The following ADAMTS7 variants were observed in gnomAD, a reference collection of about 807,000 sequenced individuals.
ADAMTS7 encodes the protein ADAM metallopeptidase with thrombospondin type 1 motif 7.
A neutral mutation model predicts 172.6 loss-of-function variants in ADAMTS7; 89 were observed. That is an observed-to-expected ratio of 0.52 (90% CI 0.43 to 0.61). The LOEUF (loss-of-function observed/expected upper bound fraction) is 0.61. ADAMTS7 is among the 20% of genes least tolerant of loss of function. The pLI is 0.00. For missense variants in ADAMTS7, 1,973 were observed against 2,355.6 expected (o/e 0.84, Z 3.36); for synonymous variants, 885 against 978.4 (o/e 0.90, Z 1.78).
chr15:78,784,009 A>G (rs1356949022), intron 8 of ADAMTS7, among the ~76,000 whole-genome samples: 1 of 152,064 alleles, frequency 6.6e-6, no homozygotes, highest in Admixed American at 6.5e-5. Flanking sequence ...TAAAAGTAGA[A>G]TGAAAAAAAT....
rs181029246 is a variant in ADAMTS7 at position 78,801,929 on chromosome 15, G to A, written c.101-1382C>T. 4.6e-5 allele frequency among the ~76,000 whole-genome samples: 7 copies of A among 152,140 alleles called. No homozygotes were observed. In the East Asian group the frequency reaches 1.4e-3, roughly 29 times the overall value. ...GTCTCAAACAAACTCCTGGGCTCAAGTGATCCTTCTACCTCAGCCTCCCAT... is the reference window on the plus strand; with the variant it reads ...GTCTCAAACAAACTCCTGGGCTCAAATGATCCTTCTACCTCAGCCTCCCAT... On this transcript the variant is annotated intron_variant, in intron 1 of 23. Coordinates refer to ENST00000388820, the MANE Select transcript of ADAMTS7 (RefSeq NM_014272.5).
In ADAMTS7 at chr15:78,802,404, T is replaced by C. The variant is rs115675259; in HGVS notation, c.101-1857A>G. On this transcript the variant is annotated intron_variant, in intron 1 of 23. Transcript: ENST00000388820. ...CTCAGATGCGTGAGCATTCTGCAAG[T>C]GTCTCCAGGCCTCCTGGATTGGGGA... 8.9e-4 allele frequency among the ~76,000 whole-genome samples: 136 copies of C among 152,358 alleles called. 1 individual carries two copies. Among genetic ancestry groups the C allele is most frequent in the African/African-American group, 3.2e-3 (133 of 41,582 alleles).
chr15:78,795,050 T>C (rs2055625758), intron 4 of ADAMTS7, among the ~76,000 whole-genome samples: 1 of 152,190 alleles, frequency 6.6e-6, no homozygotes, highest in African/African-American at 2.4e-5. Context: ...ATCTGGAGCA[T>C]AGGGGACACT....
chr15:78,767,103 G>T (rs749935900), intron 18 of ADAMTS7, 52 bp from the exon 19 acceptor site: 205 of 1,505,014 alleles, frequency 1.4e-4, no homozygotes, highest in Non-Finnish European at 1.7e-4. Flanking sequence ...GGCTGCCAGG[G>T]GACGCTGGGG....
chr15:78,776,643 T>G (rs2055350020), intron 10 of ADAMTS7, 106 bp downstream of exon 10: 1 of 1,199,182 alleles, frequency 8.3e-7, no homozygotes, highest in African/African-American at 1.5e-5. Flanking sequence ...GGGGCTCTGC[T>G]AGGAGCACAA....
rs1363996206 is a variant in ADAMTS7, at chr15:78,771,829, C to T, written c.2132G>A (p.Gly711Glu). ...SGTFEEAEGL[G>E]YVDVGLIPAG... ...TGGGATCAGCCCCACATCCACATAC[C>T]CTGTCAGCCAAGGGTTGTGCATAGG... Residue 711 changes from glycine to glutamate, a missense_variant and splice_region_variant, in exon 15 of 24, where the codon GGG becomes GAG. Physicochemically the swap from Gly to Glu is moderately conservative, Grantham distance 98. Transcript: ENST00000388820. This position sits in a 1 kb window ranked among gnomAD's most constrained non-coding sequence, Gnocchi z 4.9. The T allele has an allele frequency of 6.2e-7, 1 of 1,609,774 alleles. No homozygotes were observed. The highest frequency in any genetic ancestry group is 1.3e-5 in the African/African-American group (1 of 74,900).
intron 4 of ADAMTS7, among the ~76,000 whole-genome samples, chr15:78,792,853 G>T (rs535395411): frequency 1.3e-5 from 2 of 152,160 alleles, no homozygotes; most frequent in Non-Finnish European, 1.5e-5. Context: ...GAGAGAGAGA[G>T]AAAGAAGAAA....
In ADAMTS7 at chr15:78,789,707, G is replaced by T; in HGVS notation, c.1160C>A (p.Ala387Asp). 1 of 1,613,850 alleles carries T rather than the reference G, an allele frequency of 6.2e-7. No homozygotes were observed. Among genetic ancestry groups the T allele is most frequent in the Non-Finnish European group, 8.5e-7 (1 of 1,179,992 alleles). The change falls in exon 7 of 24, where the codon GCC (alanine) becomes GAC (aspartate). Residue 387 changes from alanine (A) to aspartate (D), a missense_variant. Physicochemically the swap from Ala to Asp is moderately radical, Grantham distance 126. This residue lies in a region of ADAMTS7 where 526 missense variants were observed against 662.9 expected (regional missense o/e 0.79). Coordinates refer to ENST00000388820, the MANE Select transcript of ADAMTS7 (RefSeq NM_014272.5). ...ACAGTACCTGTGCCCGAGCTCGTGGGCTACAGTGAAGGCCAGCGGCAGGCC... is the reference window on the plus strand; with the variant it reads ...ACAGTACCTGTGCCCGAGCTCGTGGTCTACAGTGAAGGCCAGCGGCAGGCC... ...DTGLPLAFTVAHELGHSFGIQ... is the reference protein window; with the variant it reads ...DTGLPLAFTVDHELGHSFGIQ...
At chr15:78,785,546 C>CAAAAAAAA (rs58203887) in intron 8 of ADAMTS7, among the ~76,000 whole-genome samples, 1 of 124,658 alleles carries the variant, frequency 8.0e-6, no homozygotes. Context: ...GAGAGTCTCT[C>CAAAAAAAA]AAAAAAAAAA....
rs571893357 is a variant in ADAMTS7 at position 78,796,796 on chromosome 15, C to G, written c.623-10G>C. 33 of 1,602,428 alleles carry G rather than the reference C, an allele frequency of 2.1e-5. No individual in the cohort carries two copies. Among genetic ancestry groups the G allele is most frequent in the Middle Eastern group, 1.8e-4 (1 of 5,632 alleles). On this transcript the variant is annotated splice_polypyrimidine_tract_variant and intron_variant, in intron 3 of 23. Coordinates refer to ENST00000388820, the MANE Select transcript of ADAMTS7 (RefSeq NM_014272.5). Reference sequence around the variant, plus strand: ...TCCAGCTCTGGGTACACTGGAGGCCCAGATGGGGTGGAGTTAGCTGCCAGT... The same window carrying G: ...TCCAGCTCTGGGTACACTGGAGGCCGAGATGGGGTGGAGTTAGCTGCCAGT...
At chr15:78,802,423 T>C (rs1008518787) in intron 1 of ADAMTS7, among the ~76,000 whole-genome samples, 9 of 152,228 alleles carry the variant, frequency 5.9e-5, no homozygotes, top group Non-Finnish European at 8.8e-5. Context: ...GCCTCCTGGA[T>C]TGGGGAGACA....
intron 7 of ADAMTS7, 115 bp from the exon 8 acceptor site, chr15:78,788,489 C>T: frequency 7.9e-7 from 1 of 1,259,912 alleles, no homozygotes; most frequent in Non-Finnish European, 1.1e-6. Context: ...GTTCTGCCAC[C>T]CAATGGCTGC....
intron 11 of ADAMTS7, among the ~76,000 whole-genome samples, chr15:78,775,558 C>T (rs2055329644): frequency 6.7e-6 from 1 of 148,422 alleles, no homozygotes; most frequent in Non-Finnish European, 1.5e-5. Flanking sequence ...TGCACCCCCA[C>T]CCCCCCGTTT....
chr15:78,803,247 C>G (rs1386633147), intron 1 of ADAMTS7, among the ~76,000 whole-genome samples: 1 of 151,806 alleles, frequency 6.6e-6, no homozygotes, highest in Non-Finnish European at 1.5e-5. Context: ...ATAGTCCCAG[C>G]TACTTGGAAT....
At chr15:78,770,206 G>C (rs1318506194) in intron 16 of ADAMTS7, among the ~76,000 whole-genome samples, 1 of 127,702 alleles carries the variant, frequency 7.8e-6, no homozygotes, top group African/African-American at 2.6e-5. Flanking sequence ...AAATAAAATA[G>C]CAAAATAAAA....
At chr15:78,767,642 G>A in intron 17 of ADAMTS7, 50 bp from the exon 18 acceptor site, 2 of 1,482,102 alleles carry the variant, frequency 1.3e-6, no homozygotes, top group Non-Finnish European at 9.0e-7. Context: ...CAGGTGGCCT[G>A]CAGGCTCACC....
chr15:78,792,730 T>C (rs1483696036), intron 4 of ADAMTS7, among the ~76,000 whole-genome samples: 1 of 152,008 alleles, frequency 6.6e-6, no homozygotes, highest in Non-Finnish European at 1.5e-5. Context: ...GGAGAATCAC[T>C]GGAACCCGGG....
intron 16 of ADAMTS7, chr15:78,770,782 A>G: frequency 5.1e-6 from 1 of 196,722 alleles, no homozygotes; most frequent in Non-Finnish European, 1.1e-5. Context: ...GGAGAGAGGG[A>G]AATTTGGGGA....
In ADAMTS7 at chr15:78,766,887, G is replaced by T; in HGVS notation, c.3024C>A (p.Ser1008Arg). Reference sequence around the variant, plus strand: ...TGAAGAGCTCGTGGCTGGAGGAGCCGCTGCCTGAGCCTTCAGGGCCCAGTG... The same window carrying T: ...TGAAGAGCTCGTGGCTGGAGGAGCCTCTGCCTGAGCCTTCAGGGCCCAGTG... Reference protein sequence around the residue: ...LGTLGPEGSGSGSSSHELFNE... With the variant: ...LGTLGPEGSGRGSSSHELFNE... The change falls in exon 19 of 24, where the codon AGC (serine) becomes AGA (arginine). Residue 1008 changes from serine (S) to arginine (R), a missense_variant. Physicochemically the swap from Ser to Arg is moderately radical, Grantham distance 110. This residue lies in a region of ADAMTS7 where 771 missense variants were observed against 952.6 expected (regional missense o/e 0.81). Transcript: ENST00000388820. The T allele has an allele frequency of 1.2e-6, 2 of 1,609,112 alleles. No individual in the cohort carries two copies. The highest frequency in any genetic ancestry group is 1.7e-6 in the Non-Finnish European group (2 of 1,178,802).
Sources: allele counts gnomAD v4.1 joint callset (sites outside exome capture counted in the v4.1 genomes callset), GRCh38; gene constraint gnomAD v4.1.1; regional missense constraint gnomAD v4.1.1; non-coding constraint Gnocchi (gnomAD v3.1); transcripts MANE v1.5; gene names NCBI Gene and HGNC (gene_info 2026-07-23, HGNC 2026-07-21).